RNF216: variants seen among roughly 807,000 people sequenced by gnomAD.
RNF216 encodes E3 ubiquitin-protein ligase RNF216.
In RNF216, 72 loss-of-function variants were observed where a neutral mutation model predicts 110.8. The observed-to-expected ratio is 0.65, with a 90% confidence interval of 0.54 to 0.79. The LOEUF (loss-of-function observed/expected upper bound fraction) is 0.79, where lower values mean the gene tolerates loss of function less well. Ranked by LOEUF, RNF216 falls within the 30% of genes least tolerant of loss-of-function variation. The pLI, the probability that RNF216 is intolerant of heterozygous loss-of-function variation, is 0.00. For synonymous variants in RNF216, 495 were observed against 407.5 expected, an observed-to-expected ratio of 1.21 and a Z score of -2.59; for missense variants, 1,342 against 1,141.2, an observed-to-expected ratio of 1.18 and a Z score of -2.54.
intron 13 of RNF216, among the ~76,000 whole-genome samples, chr7:5,684,044 C>T (rs1305144000): frequency 6.7e-6 from 1 of 148,266 alleles, no homozygotes; most frequent in Non-Finnish European, 1.5e-5. Context: ...CTGGCAGTAT[C>T]AGGTACTGGT....
chr7:5,746,760 A>C (rs993305498), intron 3 of RNF216, among the ~76,000 whole-genome samples: 3 of 152,178 alleles, frequency 2.0e-5, no homozygotes, highest in Non-Finnish European at 4.4e-5. Flanking sequence ...AGAAGCTACA[A>C]ATAGTTACAC....
chr7:5,752,486 G>T (rs1795383749), intron 3 of RNF216, among the ~76,000 whole-genome samples: 1 of 152,108 alleles, frequency 6.6e-6, no homozygotes, highest in South Asian at 2.1e-4. Context: ...GAAGTTGATT[G>T]TAAAATCCAT....
intron 15 of RNF216, among the ~76,000 whole-genome samples, chr7:5,633,018 C>T (rs118031609): frequency 0.019 from 2,821 of 152,010 alleles, 40 homozygotes; most frequent in Non-Finnish European, 0.029. Context: ...CGTGCTCTAT[C>T]GCCCAGGCTG....
At position 5,696,786 on chromosome 7, in the gene RNF216, T is replaced by C. The variant is rs896035830; in HGVS notation, c.2061+14975A>G. ...CCTGCAACATTGTACGAACGGGCTC[T>C]GGGAGGGCTGTAGGAGGACGGCATG... On this transcript the variant is annotated intron_variant, in intron 13 of 16. Transcript: ENST00000389902. This position sits in a 1 kb window ranked among gnomAD's most constrained non-coding sequence, Gnocchi z 5.4. Among the ~76,000 whole-genome samples the C allele has an allele frequency of 2.0e-5, 3 of 152,198 alleles. No individual in the cohort carries two copies. The highest frequency in any genetic ancestry group is 4.4e-5 in the Non-Finnish European group (3 of 68,028).
chr7:5,664,387 C>A (rs1431930959), intron 13 of RNF216, among the ~76,000 whole-genome samples: 1 of 152,158 alleles, frequency 6.6e-6, no homozygotes, highest in Non-Finnish European at 1.5e-5. Context: ...ATGAGTTAAA[C>A]TACAAACAGC....
At chr7:5,721,295 T>G in intron 8 of RNF216, 123 bp from the exon 9 acceptor site, 1 of 811,780 alleles carries the variant, frequency 1.2e-6, no homozygotes, top group Admixed American at 2.6e-5. Flanking sequence ...TTCATGACTT[T>G]TCTATCACAT....
intron 14 of RNF216, among the ~76,000 whole-genome samples, chr7:5,646,834 AG>A (rs752956468): frequency 2.0e-5 from 3 of 152,012 alleles, no homozygotes; most frequent in Admixed American, 6.6e-5. Context: ...TGATCTTTGC[AG>A]TTGGAGTACT....
chr7:5,648,194 C>T (rs551697861), intron 14 of RNF216, among the ~76,000 whole-genome samples: 3 of 151,766 alleles, frequency 2.0e-5, no homozygotes, highest in Non-Finnish European at 4.4e-5. Flanking sequence ...ATAACCTCTG[C>T]CCCATAGGTT....
intron 7 of RNF216, among the ~76,000 whole-genome samples, chr7:5,728,081 G>A (rs997570189): frequency 9.2e-5 from 14 of 152,090 alleles, no homozygotes; most frequent in Admixed American, 3.9e-4. Context: ...GACTGAATTC[G>A]TGATTATTTC....
rs537835282 is a variant in RNF216, at chr7:5,735,682, G to T, written c.1121+3594C>A. 2.0e-5 allele frequency among the ~76,000 whole-genome samples: 3 copies of T among 152,294 alleles called. No individual in the cohort carries two copies. In the South Asian group the frequency reaches 6.2e-4, roughly 32 times the overall value. On this transcript the variant is annotated intron_variant, in intron 5 of 16. Transcript: ENST00000389902. ...TGGAGATTGTGGGAGAAGAGTTACAGAAGACAGGAAACAGCTACAAAATTT... is the reference window on the plus strand; with the variant it reads ...TGGAGATTGTGGGAGAAGAGTTACATAAGACAGGAAACAGCTACAAAATTT...
chr7:5,765,733 A>C (rs1466574014), intron 1 of RNF216, among the ~76,000 whole-genome samples: 1 of 150,824 alleles, frequency 6.6e-6, no homozygotes, highest in South Asian at 2.1e-4. Context: ...GCCTGAGCTC[A>C]GGAGTTTGCC....
Position 5,712,697 on chromosome 7 carries a change from C to G in RNF216, c.1982+18G>C. On this transcript the variant is annotated intron_variant, in intron 12 of 16. Coordinates refer to ENST00000389902, the MANE Select transcript of RNF216 (RefSeq NM_207111.4). ...TGGGGAAGAGTTGGCAGATGGCACG[C>G]TCTGCCTGAGAACGAACCTGACAAG... The G allele has an allele frequency of 6.2e-7, 1 of 1,613,702 alleles. No homozygotes were observed.
chr7:5,719,686 A>G (rs1205565397), intron 9 of RNF216, among the ~76,000 whole-genome samples: 1 of 152,270 alleles, frequency 6.6e-6, no homozygotes, highest in Non-Finnish European at 1.5e-5. Flanking sequence ...GATCAAAACA[A>G]TAAATTCTAA....
intron 5 of RNF216, among the ~76,000 whole-genome samples, chr7:5,736,894 G>C (rs565793413): frequency 6.7e-6 from 1 of 149,268 alleles, no homozygotes; most frequent in South Asian, 2.1e-4. Context: ...CAGCCGCCCC[G>C]TCCGGGAAGT....
At chr7:5,767,949 A>T (rs1796289451) in intron 1 of RNF216, among the ~76,000 whole-genome samples, 1 of 152,166 alleles carries the variant, frequency 6.6e-6, no homozygotes, top group African/African-American at 2.4e-5. Flanking sequence ...GAATGCTGGT[A>T]AACACTGAGC....
chr7:5,749,674 A>G (rs1211122050), intron 3 of RNF216, among the ~76,000 whole-genome samples: 1 of 152,220 alleles, frequency 6.6e-6, no homozygotes, highest in Admixed American at 6.5e-5. Context: ...CTTTGCAAGC[A>G]ATTATAATCC....
At chr7:5,716,672 C>A in intron 10 of RNF216, 44 bp downstream of exon 10, 1 of 1,465,868 alleles carries the variant, frequency 6.8e-7, no homozygotes, top group Non-Finnish European at 9.4e-7. Flanking sequence ...GAGAAAACAG[C>A]CCATGAAAAT....
Position 5,680,665 on chromosome 7 carries a change from G to A in RNF216, c.2062-28155C>T, listed in dbSNP as rs754214719. On this transcript the variant is annotated intron_variant, in intron 13 of 16. Transcript: ENST00000389902. The surrounding 1 kb of genome is among the most constrained non-coding windows in gnomAD (Gnocchi z 4.3). Reference sequence around the variant, plus strand: ...GATCTGCCCGACTCGGCCTCCCAAAGTGCTGGGATTACAGGTGTGAGCCAC... The same window carrying A: ...GATCTGCCCGACTCGGCCTCCCAAAATGCTGGGATTACAGGTGTGAGCCAC... 4.6e-5 allele frequency among the ~76,000 whole-genome samples: 7 copies of A among 152,078 alleles called. No homozygotes were observed. Among genetic ancestry groups the A allele is most frequent in the Non-Finnish European group, 1.0e-4 (7 of 68,024 alleles).
At chr7:5,656,202 G>C (rs1300832916) in intron 13 of RNF216, among the ~76,000 whole-genome samples, 1 of 152,188 alleles carries the variant, frequency 6.6e-6, no homozygotes, top group African/African-American at 2.4e-5. Context: ...CCAGGAGGTG[G>C]AGGTTGCATT....
Sources: gnomAD v4.1 joint callset for allele counts (sites outside exome capture counted in the v4.1 genomes callset) on GRCh38, gnomAD v4.1.1 for gene constraint, Gnocchi (gnomAD v3.1) non-coding constraint, MANE v1.5 for transcripts, NCBI Gene and HGNC (gene_info 2026-07-23, HGNC 2026-07-21) for gene names.